LRRC4C: variants seen among roughly 807,000 people sequenced by gnomAD.
LRRC4C encodes leucine-rich repeat-containing protein 4C.
A neutral mutation model predicts 33.6 loss-of-function variants in LRRC4C; 5 were observed. The ratio of observed to expected loss-of-function variants is 0.15; its 90% CI spans 0.08 to 0.31. The LOEUF (loss-of-function observed/expected upper bound fraction) is 0.31. Among genes scored for constraint, LRRC4C ranks in the 10% least tolerant of loss-of-function variants. The pLI is 1.00. For missense variants in LRRC4C, 560 were observed against 796.7 expected (o/e 0.70, Z 3.58); for synonymous variants, 329 against 302.0 (o/e 1.09, Z -0.93).
chr11:41,024,920 T>G (rs1409247069), intron 1 of LRRC4C, among the ~76,000 whole-genome samples: 2 of 151,650 alleles, frequency 1.3e-5, no homozygotes, highest in Non-Finnish European at 3.0e-5. Flanking sequence ...TGTTTTAAAT[T>G]TTTCATTGTT....
At chr11:40,409,029 G>A (rs912383182) in intron 3 of LRRC4C, among the ~76,000 whole-genome samples, 3 of 151,846 alleles carry the variant, frequency 2.0e-5, no homozygotes, top group African/African-American at 4.8e-5. Context: ...TACAGCAATC[G>A]AAACAGCTCT....
intron 2 of LRRC4C, among the ~76,000 whole-genome samples, chr11:40,778,007 T>C (rs1950076369): frequency 6.6e-6 from 1 of 152,142 alleles, no homozygotes; most frequent in South Asian, 2.1e-4. Flanking sequence ...TTTTTTTAAT[T>C]CAACTTACCA....
intron 1 of LRRC4C, among the ~76,000 whole-genome samples, chr11:41,362,031 G>A (rs2137678322): frequency 6.6e-6 from 1 of 152,244 alleles, no homozygotes; most frequent in South Asian, 2.1e-4. Context: ...ATTTCTAACA[G>A]CATTAGTTTT....
At chr11:40,922,021 A>G (rs1172497054) in intron 2 of LRRC4C, among the ~76,000 whole-genome samples, 2 of 152,134 alleles carry the variant, frequency 1.3e-5, no homozygotes, top group African/African-American at 4.8e-5. Context: ...AACAAATTCA[A>G]TGTTTGGCAA....
intron 2 of LRRC4C, among the ~76,000 whole-genome samples, chr11:40,796,985 C>T (rs1055617924): frequency 2.0e-5 from 3 of 152,118 alleles, no homozygotes; most frequent in African/African-American, 7.2e-5. Flanking sequence ...TACTATCACA[C>T]GCTATAGAAC....
chr11:40,675,870 G>T (rs1169201253), intron 2 of LRRC4C, among the ~76,000 whole-genome samples: 5 of 152,048 alleles, frequency 3.3e-5, no homozygotes, highest in African/African-American at 1.2e-4. Flanking sequence ...TAAATTTGAA[G>T]AAAAGTCATA....
At chr11:40,451,485 A>G (rs543424383) in intron 3 of LRRC4C, among the ~76,000 whole-genome samples, 2 of 136,384 alleles carry the variant, frequency 1.5e-5, no homozygotes, top group South Asian at 2.3e-4. Context: ...TCCTGGGTTC[A>G]AGTAATTCTC....
At chr11:40,159,335 A>C (rs1206638336) in intron 5 of LRRC4C, among the ~76,000 whole-genome samples, 1 of 152,176 alleles carries the variant, frequency 6.6e-6, no homozygotes, top group Non-Finnish European at 1.5e-5. Flanking sequence ...CAAGTGATTA[A>C]GATGTGATAC....
intron 3 of LRRC4C, among the ~76,000 whole-genome samples, chr11:40,587,788 G>A (rs1365378504): frequency 6.6e-6 from 1 of 152,092 alleles, no homozygotes; most frequent in Non-Finnish European, 1.5e-5. Context: ...GTATTGATTT[G>A]CGTATATTGA....
rs757523835 is a variant in LRRC4C at position 40,952,882 on chromosome 11, ACACACACACACACACTCT to A, written c.-495-19177_-495-19160del. Among the ~76,000 whole-genome samples the A allele has an allele frequency of 8.9e-3, 1,018 of 113,938 alleles. 7 individuals carry two copies. Among genetic ancestry groups the A allele is most frequent in the East Asian group, 0.03 (106 of 3,572 alleles). 74.7% of individuals were successfully genotyped at this position (113,938 alleles called of 152,430 possible). ...CACACACACACACACACACACACAC[ACACACACACACACACTCT>A]CTCTCTCTCTCTCTCTCTCTCTCTT... On this transcript the variant is annotated intron_variant, in intron 1 of 6. Coordinates refer to ENST00000528697, the MANE Select transcript of LRRC4C (RefSeq NM_001258419.2).
At position 40,542,541 on chromosome 11, in the gene LRRC4C, C is replaced by T. The variant is rs561354940; in HGVS notation, c.-270+105601G>A. Among the ~76,000 whole-genome samples, 32 of 152,228 alleles carry T rather than the reference C, an allele frequency of 2.1e-4. No homozygotes were observed. The East Asian group carries it at 5.6e-3, about 27-fold the overall frequency. On this transcript the variant is annotated intron_variant, in intron 3 of 6. Transcript: ENST00000528697. ...TCAGATTGTAGGTTCTTCTCTGTTT[C>T]CAACAGAGATAATAACAACCAGGAC...
At chr11:41,358,777 T>C (rs779851777) in intron 1 of LRRC4C, among the ~76,000 whole-genome samples, 11 of 152,162 alleles carry the variant, frequency 7.2e-5, no homozygotes, top group Non-Finnish European at 1.6e-4. Flanking sequence ...CATTAATTGA[T>C]GGTGGAAGTA....
intron 3 of LRRC4C, among the ~76,000 whole-genome samples, chr11:40,433,353 A>G (rs1164635112): frequency 6.6e-6 from 1 of 152,162 alleles, no homozygotes; most frequent in African/African-American, 2.4e-5. Context: ...ATCATACTTC[A>G]GAAATTGAGA....
At chr11:40,250,632 G>A (rs895926475) in intron 4 of LRRC4C, among the ~76,000 whole-genome samples, 5 of 151,914 alleles carry the variant, frequency 3.3e-5, no homozygotes, top group Admixed American at 1.3e-4. Context: ...CCAACTACTC[G>A]GGAAGCTGAG....
At chr11:40,511,590 T>A (rs1269913226) in intron 3 of LRRC4C, among the ~76,000 whole-genome samples, 1 of 152,168 alleles carries the variant, frequency 6.6e-6, no homozygotes, top group Non-Finnish European at 1.5e-5. Flanking sequence ...TGGCTTGATA[T>A]CTCATATGTT....
At chr11:40,538,771 G>T (rs540381254) in intron 3 of LRRC4C, among the ~76,000 whole-genome samples, 40 of 152,280 alleles carry the variant, frequency 2.6e-4, no homozygotes, top group African/African-American at 9.6e-4. Context: ...TAGTGTAAAA[G>T]TGTTCCTATT....
intron 1 of LRRC4C, among the ~76,000 whole-genome samples, chr11:41,108,668 G>A (rs1461093967): frequency 6.6e-6 from 1 of 152,046 alleles, no homozygotes; most frequent in Non-Finnish European, 1.5e-5. Context: ...ATAGTATTTT[G>A]CTAATTCTGA....
At position 40,578,140 on chromosome 11, in the gene LRRC4C, GGTTT is replaced by G. The variant is rs1958291133; in HGVS notation, c.-270+69998_-270+70001del. Among the ~76,000 whole-genome samples the G allele has an allele frequency of 2.3e-3, 93 of 40,570 alleles. 30 individuals are homozygous for G. Among genetic ancestry groups the G allele is most frequent in the African/African-American group, 2.7e-3 (19 of 7,096 alleles). 26.6% of individuals were successfully genotyped at this position (40,570 alleles called of 152,430 possible). The stretch of plus-strand genomic sequence containing the variant: ...TGATATTATTGGACTTTTTTTTTTC[GGTTT>G]TTTTTTTTTTTTTTTTTTTTTTTTT... On this transcript the variant is annotated intron_variant, in intron 3 of 6. Transcript: ENST00000528697.
intron 1 of LRRC4C, among the ~76,000 whole-genome samples, chr11:41,256,193 C>T (rs1327826362): frequency 6.6e-6 from 1 of 151,880 alleles, no homozygotes; most frequent in Admixed American, 6.6e-5. Context: ...GTATTGCTGC[C>T]AACACTCCCG....
Sources: gnomAD v4.1 joint callset for allele counts (sites outside exome capture counted in the v4.1 genomes callset) on GRCh38, gnomAD v4.1.1 for gene constraint, MANE v1.5 for transcripts, NCBI Gene and HGNC (gene_info 2026-07-23, HGNC 2026-07-21) for gene names.